Variants in TRPM3 observed in about 807,000 individuals in gnomAD.
TRPM3 encodes transient receptor potential cation channel subfamily M member 3, also known as long transient receptor potential channel 3.
Under a neutral mutation model 181.2 loss-of-function variants are expected in TRPM3, and 77 were observed. The observed-to-expected ratio is 0.42, with a 90% CI of 0.35 to 0.51. The LOEUF (loss-of-function observed/expected upper bound fraction) is 0.51. TRPM3 is among the 20% of genes least tolerant of loss of function. TRPM3 has a pLI of 0.01. For synonymous variants in TRPM3, 745 were observed against 796.4 expected (o/e 0.94, Z 1.09); for missense variants, 1,759 against 2,196.7 (o/e 0.80, Z 3.98).
chr9:71,282,085 GAAAGAGAGAAAGAAAGAA>G (rs2084768802), intron 1 of TRPM3, among the ~76,000 whole-genome samples: 1 of 44,750 alleles, frequency 2.2e-5, no homozygotes, highest in African/African-American at 1.2e-4. Flanking sequence ...AGAAAGGAAA[GAAAGAGAGAAAGAAAGAA>G]AAGAAAGAAA....
At chr9:71,006,827 C>T (rs1763453633) in intron 1 of TRPM3, among the ~76,000 whole-genome samples, 3 of 147,258 alleles carry the variant, frequency 2.0e-5, no homozygotes, top group South Asian at 4.3e-4. Context: ...GCCGAGATCG[C>T]GCCACTGCAC....
chr9:71,084,192 T>C (rs2064888189), intron 1 of TRPM3, among the ~76,000 whole-genome samples: 1 of 152,028 alleles, frequency 6.6e-6, no homozygotes, highest in East Asian at 1.9e-4. Context: ...ATCGGCTGGC[T>C]GATGGTAGTT....
chr9:70,795,392 G>A (rs183476304), intron 6 of TRPM3, among the ~76,000 whole-genome samples: 4 of 152,182 alleles, frequency 2.6e-5, no homozygotes, highest in Non-Finnish European at 5.9e-5. Context: ...AAAGTTTCTC[G>A]TTTGAATGTA....
intron 1 of TRPM3, among the ~76,000 whole-genome samples, chr9:71,351,347 G>A (rs1172380896): frequency 6.6e-6 from 1 of 152,146 alleles, no homozygotes; most frequent in East Asian, 1.9e-4. Flanking sequence ...AACAAATTTA[G>A]CGATTGTTGC....
chr9:70,742,898 G>T lies in TRPM3; in HGVS notation c.1272+18703C>A, dbSNP rs796544230. 2.6e-5 allele frequency among the ~76,000 whole-genome samples: 4 copies of T among 152,152 alleles called. No homozygotes were observed. In the South Asian group the frequency reaches 8.3e-4, roughly 32 times the overall value. ...TTCCTGGGCTTCCCTGTATTGCTCA[G>T]TGGAACTATCATTCTTGACCACTAT... On this transcript the variant is annotated intron_variant, in intron 8 of 25. Coordinates refer to ENST00000677713, the MANE Select transcript of TRPM3 (RefSeq NM_001366145.2).
At chr9:71,244,828 T>C (rs2081941983) in intron 1 of TRPM3, among the ~76,000 whole-genome samples, 1 of 152,080 alleles carries the variant, frequency 6.6e-6, no homozygotes, top group Non-Finnish European at 1.5e-5. Flanking sequence ...AAAAGCAGGA[T>C]AAGTGAAGGA....
At chr9:70,941,687 G>A (rs1270535416) in intron 1 of TRPM3, among the ~76,000 whole-genome samples, 2 of 152,180 alleles carry the variant, frequency 1.3e-5, no homozygotes, top group African/African-American at 4.8e-5. Context: ...AGGTAGAAAG[G>A]CAAGAGGCAT....
chr9:71,265,669 G>T (rs1317927149), intron 1 of TRPM3, among the ~76,000 whole-genome samples: 1 of 152,184 alleles, frequency 6.6e-6, no homozygotes, highest in Admixed American at 6.6e-5. Flanking sequence ...ATGATAGACA[G>T]CTTAGAGCTA....
At chr9:70,956,600 C>T (rs2097074953) in intron 1 of TRPM3, among the ~76,000 whole-genome samples, 1 of 152,204 alleles carries the variant, frequency 6.6e-6, no homozygotes, top group South Asian at 2.1e-4. Context: ...TTAAAAAATT[C>T]TTAGGCTGGG....
At chr9:70,948,685 T>G (rs1383699600) in intron 1 of TRPM3, among the ~76,000 whole-genome samples, 5 of 152,168 alleles carry the variant, frequency 3.3e-5, no homozygotes, top group Admixed American at 3.3e-4. Context: ...AATTTTTGCT[T>G]TTCCAGGAGC....
chr9:71,183,137 A>C (rs1032787744), intron 1 of TRPM3, among the ~76,000 whole-genome samples: 1 of 152,186 alleles, frequency 6.6e-6, no homozygotes, highest in Non-Finnish European at 1.5e-5. Flanking sequence ...ATTTTACGTT[A>C]TTCAACATCC....
chr9:71,022,285 C>A (rs1325960808), intron 1 of TRPM3, among the ~76,000 whole-genome samples: 1 of 152,148 alleles, frequency 6.6e-6, no homozygotes, highest in Non-Finnish European at 1.5e-5. Context: ...AAAAGCAATT[C>A]ATTGGAGGAG....
chr9:70,881,827 CT>C (rs1445775724), intron 1 of TRPM3, among the ~76,000 whole-genome samples: 1 of 152,164 alleles, frequency 6.6e-6, no homozygotes, highest in Admixed American at 6.6e-5. Context: ...ATCAACTTTT[CT>C]GTTGTTTCCT....
intron 1 of TRPM3, among the ~76,000 whole-genome samples, chr9:70,920,326 A>G (rs554325902): frequency 6.6e-6 from 1 of 152,232 alleles, no homozygotes; most frequent in African/African-American, 2.4e-5. Context: ...ATTTTGTTTC[A>G]TTGCTTAGTG....
chr9:70,642,498 A>G (rs1045705223), intron 9 of TRPM3, among the ~76,000 whole-genome samples: 9 of 152,214 alleles, frequency 5.9e-5, no homozygotes, highest in Non-Finnish European at 8.8e-5. Context: ...AACTTACATC[A>G]GTGATTCCAA....
At chr9:70,867,437 A>C (rs1267652088) in intron 1 of TRPM3, among the ~76,000 whole-genome samples, 2 of 152,142 alleles carry the variant, frequency 1.3e-5, no homozygotes, top group Non-Finnish European at 2.9e-5. Context: ...TTAGCGTTTC[A>C]GTAAAAAAGT....
At chr9:70,912,996 C>A (rs1412974221) in intron 1 of TRPM3, among the ~76,000 whole-genome samples, 1 of 152,074 alleles carries the variant, frequency 6.6e-6, no homozygotes, top group Non-Finnish European at 1.5e-5. Context: ...TCCAAGGAAC[C>A]CACTTAGATA....
intron 8 of TRPM3, among the ~76,000 whole-genome samples, chr9:70,694,665 A>G (rs1317673532): frequency 2.6e-5 from 4 of 152,080 alleles, no homozygotes; most frequent in African/African-American, 9.7e-5. Flanking sequence ...TATTTTTAGT[A>G]GAGATGGGGT....
At chr9:71,423,777 C>G (rs1231262891) in intron 1 of TRPM3, among the ~76,000 whole-genome samples, 1 of 152,118 alleles carries the variant, frequency 6.6e-6, no homozygotes, top group African/African-American at 2.4e-5. Context: ...AAACCTTTCC[C>G]TTCTCCCTTC....
Sources: allele counts gnomAD v4.1 joint callset (sites outside exome capture counted in the v4.1 genomes callset), GRCh38; gene constraint gnomAD v4.1.1; transcripts MANE v1.5; gene names NCBI Gene and HGNC (gene_info 2026-07-23, HGNC 2026-07-21).